Variants in DCHS2 observed in about 807,000 individuals in gnomAD.
DCHS2 encodes the protein protocadherin-23.
A neutral mutation model predicts 182.4 loss-of-function variants in DCHS2; 142 were observed. The ratio of observed to expected loss-of-function variants is 0.78; its 90% CI spans 0.68 to 0.89. DCHS2 has a LOEUF of 0.89. Ranked by LOEUF, DCHS2 falls within the 40% of genes least tolerant of loss-of-function variation. The pLI is 0.00. For synonymous variants in DCHS2, 1,740 were observed against 1,663.3 expected (o/e 1.05, Z -1.12); for missense variants, 4,319 against 4,198.6 (o/e 1.03, Z -0.79).
chr4:154,261,364 G>T lies in DCHS2; in HGVS notation c.6578-1608C>A, dbSNP rs999736509. On this transcript the variant is annotated intron_variant, in intron 14 of 19. Transcript: ENST00000357232. ...ATTCCACGATGTGTTACTCGTGTTT[G>T]TCTGCCCCTCATCATCACATATGGA... 1.6e-4 allele frequency among the ~76,000 whole-genome samples: 24 copies of T among 152,188 alleles called. 1 individual carries two copies. The highest frequency in any genetic ancestry group is 1.5e-3 in the Admixed American group (23 of 15,272).
chr4:154,426,485 T>C (rs756092259), intron 1 of DCHS2, among the ~76,000 whole-genome samples: 2 of 152,128 alleles, frequency 1.3e-5, no homozygotes, highest in Admixed American at 6.6e-5. Flanking sequence ...GGTCTCCGCA[T>C]AAGGTTATAT....
At chr4:154,364,925 T>C (rs1730283229) in intron 3 of DCHS2, among the ~76,000 whole-genome samples, 1 of 152,206 alleles carries the variant, frequency 6.6e-6, no homozygotes, top group African/African-American at 2.4e-5. Flanking sequence ...TTTTTTCTTT[T>C]TTTGCAGCCT....
rs938045766 is a variant in DCHS2 at position 154,246,776 on chromosome 4, TAAAAA to T, written c.6942-4009_6942-4005del. Among the ~76,000 whole-genome samples the T allele has an allele frequency of 4.6e-5, 7 of 151,682 alleles. No homozygotes were observed. In the South Asian group the frequency reaches 1.5e-3, roughly 32 times the overall value. Reference sequence around the variant, plus strand: ...ATCCTCTCAATTTTTAATTAGAAAATAAAAAAGAAATTTTAGAAGATTAAAATTCA... The same window carrying T: ...ATCCTCTCAATTTTTAATTAGAAAATAGAAATTTTAGAAGATTAAAATTCA... On this transcript the variant is annotated intron_variant, in intron 16 of 19. Coordinates refer to ENST00000357232, the MANE Select transcript of DCHS2 (RefSeq NM_001358235.2).
At chr4:154,258,737 A>G (rs542346750) in intron 15 of DCHS2, among the ~76,000 whole-genome samples, 11 of 152,110 alleles carry the variant, frequency 7.2e-5, no homozygotes, top group Admixed American at 2.0e-4. Context: ...TTGTCCAGAA[A>G]ATATGCTAGC....
chr4:154,368,174 T>C (rs1246472811), intron 2 of DCHS2, among the ~76,000 whole-genome samples: 1 of 152,106 alleles, frequency 6.6e-6, no homozygotes, highest in Non-Finnish European at 1.5e-5. Context: ...CTAAGTAACC[T>C]GTATGTCTCC....
intron 1 of DCHS2, among the ~76,000 whole-genome samples, chr4:154,477,627 C>G (rs928484625): frequency 7.2e-5 from 11 of 152,164 alleles, no homozygotes; most frequent in Non-Finnish European, 1.5e-4. Flanking sequence ...AAGCAATTAT[C>G]AAAGGAAATG....
At chr4:154,265,079 A>C (rs1733176608) in intron 14 of DCHS2, among the ~76,000 whole-genome samples, 1 of 152,246 alleles carries the variant, frequency 6.6e-6, no homozygotes, top group Non-Finnish European at 1.5e-5. Context: ...GACAGGGGAA[A>C]GTGGTCATTT....
At chr4:154,482,925 A>G (rs1735976638) in intron 1 of DCHS2, among the ~76,000 whole-genome samples, 1 of 152,242 alleles carries the variant, frequency 6.6e-6, no homozygotes, top group African/African-American at 2.4e-5. Context: ...GCAGCAGGCT[A>G]TGGTGCTTAA....
At position 154,240,700 on chromosome 4, in the gene DCHS2, G is replaced by A. The variant is rs746280773; in HGVS notation, c.7196C>T (p.Thr2399Ile). The stretch of plus-strand genomic sequence containing the variant: ...TGTTTTCACCAACACCACCACTCCA[G>A]TGTTCTGATCAATAGCAAACTTGGT... ...PGTKFAIDQNTGVVVLVKTLD... is the reference protein window; with the variant it reads ...PGTKFAIDQNIGVVVLVKTLD... Residue 2399 changes from threonine (T) to isoleucine (I), a missense_variant, in exon 18 of 20, where the codon ACT (threonine) becomes ATT (isoleucine). Thr to Ile is a moderately conservative substitution (Grantham distance 89). Transcript: ENST00000357232. 2 of 1,613,936 alleles carry A rather than the reference G, an allele frequency of 1.2e-6. No homozygotes were observed. The highest frequency in any genetic ancestry group is 1.3e-5 in the African/African-American group (1 of 75,042).
intron 1 of DCHS2, among the ~76,000 whole-genome samples, chr4:154,483,509 C>T (rs1735999923): frequency 6.6e-6 from 1 of 152,128 alleles, no homozygotes; most frequent in South Asian, 2.1e-4. Context: ...GCCTGGATGA[C>T]AAGAGTTACA....
intron 10 of DCHS2, among the ~76,000 whole-genome samples, chr4:154,314,308 T>C (rs1735772177): frequency 6.6e-6 from 1 of 152,148 alleles, no homozygotes; most frequent in South Asian, 2.1e-4. Context: ...TGAGCTAAAA[T>C]TATTGTGAAA....
intron 13 of DCHS2, among the ~76,000 whole-genome samples, chr4:154,281,457 A>C (rs4472119): frequency 0.063 from 9,545 of 152,266 alleles, 1,007 homozygotes; most frequent in African/African-American, 0.21. Context: ...TAAAATACTT[A>C]AGAATAAACT....
intron 1 of DCHS2, among the ~76,000 whole-genome samples, chr4:154,486,168 A>G (rs773390752): frequency 8.5e-5 from 13 of 152,202 alleles, no homozygotes; most frequent in Non-Finnish European, 1.6e-4. Context: ...GCTAGAGGTT[A>G]TCTATCTCAG....
chr4:154,467,391 T>C (rs1579110529), intron 1 of DCHS2, among the ~76,000 whole-genome samples: 2 of 152,250 alleles, frequency 1.3e-5, no homozygotes, highest in South Asian at 2.1e-4. Context: ...CAAAATAAGG[T>C]ATATCTCAAT....
At position 154,247,049 on chromosome 4, in the gene DCHS2, T is replaced by G. The variant is rs931523995; in HGVS notation, c.6942-4277A>C. Among the ~76,000 whole-genome samples, 4 of 152,286 alleles carry G rather than the reference T, an allele frequency of 2.6e-5. No homozygotes were observed. In the East Asian group the frequency reaches 7.7e-4, roughly 29 times the overall value. Reference sequence around the variant, plus strand: ...AAATTAAAAGAAATATGTCTTTTTATTAAAAGTGAACACTGAATACACAGC... The same window carrying G: ...AAATTAAAAGAAATATGTCTTTTTAGTAAAAGTGAACACTGAATACACAGC... On this transcript the variant is annotated intron_variant, in intron 16 of 19. Transcript: ENST00000357232.
chr4:154,437,780 G>T (rs1049321353), intron 1 of DCHS2, among the ~76,000 whole-genome samples: 5 of 152,142 alleles, frequency 3.3e-5, no homozygotes, highest in Non-Finnish European at 7.4e-5. Context: ...AACTGAAAAA[G>T]TATTCTTTAG....
chr4:154,413,644 G>A (rs1172600369), intron 1 of DCHS2, among the ~76,000 whole-genome samples: 2 of 152,118 alleles, frequency 1.3e-5, no homozygotes, highest in Non-Finnish European at 2.9e-5. Context: ...GCCAATGGGG[G>A]AGCCAGTGAG....
At chr4:154,458,117 AAAG>A (rs1050323687) in intron 1 of DCHS2, among the ~76,000 whole-genome samples, 59 of 152,152 alleles carry the variant, frequency 3.9e-4, no homozygotes, top group African/African-American at 1.3e-3. Flanking sequence ...AAATGAGTTA[AAAG>A]AAGAAAAAAG....
intron 2 of DCHS2, among the ~76,000 whole-genome samples, chr4:154,372,551 C>T (rs201204235): frequency 1.7e-3 from 260 of 152,064 alleles, no homozygotes; most frequent in Non-Finnish European, 3.2e-3. Context: ...CTACAGAATC[C>T]AGGATGTAAC....
Sources: gnomAD v4.1 joint callset for allele counts (sites outside exome capture counted in the v4.1 genomes callset) on GRCh38, gnomAD v4.1.1 for gene constraint, MANE v1.5 for transcripts, NCBI Gene and HGNC (gene_info 2026-07-23, HGNC 2026-07-21) for gene names.